The following KCNH7 variants were observed in gnomAD, a reference collection of about 807,000 sequenced individuals.
KCNH7 encodes potassium voltage-gated channel subfamily H member 7.
A neutral mutation model predicts 120.8 loss-of-function variants in KCNH7; 49 were observed. That is an observed-to-expected ratio of 0.41 (90% CI 0.32 to 0.51). KCNH7 has a LOEUF of 0.51. Ranked by LOEUF, KCNH7 falls within the 20% of genes least tolerant of loss-of-function variation. KCNH7 has a pLI of 0.38. For missense variants in KCNH7, 1,097 were observed against 1,446.6 expected, an observed-to-expected ratio of 0.76 and a Z score of 3.92; for synonymous variants, 547 against 516.1, an observed-to-expected ratio of 1.06 and a Z score of -0.81.
chr2:162,501,562 A>G (rs889533959), intron 6 of KCNH7, among the ~76,000 whole-genome samples: 2 of 152,068 alleles, frequency 1.3e-5, no homozygotes, highest in Admixed American at 1.3e-4. Flanking sequence ...CTTACAAACA[A>G]GAGAAATGTA....
intron 13 of KCNH7, among the ~76,000 whole-genome samples, chr2:162,381,946 A>G (rs765908102): frequency 1.3e-5 from 2 of 152,106 alleles, no homozygotes; most frequent in Admixed American, 6.6e-5. Context: ...CGGAATACCT[A>G]TATAAATGGT....
chr2:162,442,833 G>T (rs1223999573), intron 7 of KCNH7, among the ~76,000 whole-genome samples: 1 of 152,174 alleles, frequency 6.6e-6, no homozygotes, highest in African/African-American at 2.4e-5. Context: ...ACTAGCTTGG[G>T]TGACAGAATG....
At chr2:162,781,629 A>G (rs552123154) in intron 2 of KCNH7, among the ~76,000 whole-genome samples, 1 of 152,146 alleles carries the variant, frequency 6.6e-6, no homozygotes, top group Non-Finnish European at 1.5e-5. Context: ...GGATTTCATT[A>G]CATATATTAT....
intron 7 of KCNH7, among the ~76,000 whole-genome samples, chr2:162,442,860 T>C (rs1301862992): frequency 6.6e-6 from 1 of 152,146 alleles, no homozygotes; most frequent in Non-Finnish European, 1.5e-5. Flanking sequence ...TGTCTTAAAA[T>C]TAAGCAATTA....
At chr2:162,735,455 A>G (rs1687872299) in intron 2 of KCNH7, among the ~76,000 whole-genome samples, 1 of 152,224 alleles carries the variant, frequency 6.6e-6, no homozygotes, top group African/African-American at 2.4e-5. Flanking sequence ...TCACATAACC[A>G]GAAGTGACAA....
At chr2:162,482,327 G>A in intron 6 of KCNH7, among the ~76,000 whole-genome samples, 1 of 152,178 alleles carries the variant, frequency 6.6e-6, no homozygotes, top group African/African-American at 2.4e-5. Context: ...ACTGACCAGA[G>A]CAGATGTGAT....
At chr2:162,520,227 G>A (rs1691473050) in intron 3 of KCNH7, among the ~76,000 whole-genome samples, 1 of 139,818 alleles carries the variant, frequency 7.2e-6, no homozygotes, top group African/African-American at 2.8e-5. Context: ...TGAGACTTGA[G>A]GACCATTCTA....
chr2:162,615,857 T>C (rs1683123876), intron 2 of KCNH7, among the ~76,000 whole-genome samples: 1 of 152,204 alleles, frequency 6.6e-6, no homozygotes, highest in African/African-American at 2.4e-5. Context: ...AATGATCCAT[T>C]CTCTAAATAC....
intron 2 of KCNH7, among the ~76,000 whole-genome samples, chr2:162,542,877 A>G (rs979464274): frequency 6.6e-6 from 1 of 152,090 alleles, no homozygotes; most frequent in Non-Finnish European, 1.5e-5. Flanking sequence ...ACAGTGTAAA[A>G]TTGTTCCTAT....
At chr2:162,464,003 C>G (rs13403568) in intron 6 of KCNH7, among the ~76,000 whole-genome samples, 11,210 of 151,908 alleles carry the variant, frequency 0.074, 1,318 homozygotes, top group African/African-American at 0.25. Flanking sequence ...AGAGCTATCC[C>G]TAAATGTTGG....
At chr2:162,514,903 T>A (rs920913407) in intron 4 of KCNH7, among the ~76,000 whole-genome samples, 1 of 151,752 alleles carries the variant, frequency 6.6e-6, no homozygotes, top group African/African-American at 2.4e-5. Context: ...GAGAACATTT[T>A]TATTTATTTC....
chr2:162,717,416 C>A (rs1687164438), intron 2 of KCNH7, among the ~76,000 whole-genome samples: 1 of 152,126 alleles, frequency 6.6e-6, no homozygotes, highest in African/African-American at 2.4e-5. Context: ...CCCTTCATTA[C>A]TTTCCAAACT....
chr2:162,658,138 C>T (rs1049274024), intron 2 of KCNH7, among the ~76,000 whole-genome samples: 4 of 151,448 alleles, frequency 2.6e-5, no homozygotes, highest in Non-Finnish European at 4.4e-5. Context: ...GAAGGGGGTG[C>T]TTACCAGACA....
chr2:162,732,281 C>T (rs1393787035), intron 2 of KCNH7, among the ~76,000 whole-genome samples: 1 of 152,086 alleles, frequency 6.6e-6, no homozygotes, highest in African/African-American at 2.4e-5. Context: ...GCCTCTGATG[C>T]AGACTGTGAA....
intron 6 of KCNH7, among the ~76,000 whole-genome samples, chr2:162,466,003 C>T (rs1164832632): frequency 6.6e-6 from 1 of 152,208 alleles, no homozygotes; most frequent in East Asian, 1.9e-4. Context: ...AACATCTCAT[C>T]TGTGTACTGC....
At chr2:162,740,606 G>A (rs1688092364) in intron 2 of KCNH7, among the ~76,000 whole-genome samples, 1 of 152,202 alleles carries the variant, frequency 6.6e-6, no homozygotes, top group African/African-American at 2.4e-5. Flanking sequence ...CAACGGTAAT[G>A]ATGTTTCAAT....
intron 2 of KCNH7, among the ~76,000 whole-genome samples, chr2:162,736,783 A>G (rs972164997): frequency 7.9e-5 from 12 of 152,170 alleles, no homozygotes; most frequent in Admixed American, 1.3e-4. Context: ...GAACTTTCTA[A>G]AGAAAATGAA....
intron 6 of KCNH7, among the ~76,000 whole-genome samples, chr2:162,461,380 T>C (rs775893167): frequency 1.3e-5 from 2 of 152,248 alleles, no homozygotes; most frequent in South Asian, 4.1e-4. Flanking sequence ...CTGTGAACTA[T>C]GTAAGATAAC....
intron 2 of KCNH7, among the ~76,000 whole-genome samples, chr2:162,623,169 C>T (rs896848300): frequency 5.9e-5 from 9 of 152,088 alleles, no homozygotes; most frequent in Non-Finnish European, 1.5e-5. Context: ...GGTGATTTTC[C>T]ATAACATTAA....
Sources: gnomAD v4.1 joint callset for allele counts (sites outside exome capture counted in the v4.1 genomes callset) on GRCh38, gnomAD v4.1.1 for gene constraint, MANE v1.5 for transcripts, NCBI Gene and HGNC (gene_info 2026-07-23, HGNC 2026-07-21) for gene names.